LRMDA: variants seen among roughly 807,000 people sequenced by gnomAD.
LRMDA encodes the protein leucine rich melanocyte differentiation associated, also known as leucine-rich melanocyte differentiation-associated protein.
LRMDA carries 18 observed loss-of-function variants against 29.8 expected under a neutral mutation model. The ratio of observed to expected loss-of-function variants is 0.60; its 90% confidence interval spans 0.42 to 0.90. The LOEUF (loss-of-function observed/expected upper bound fraction) is 0.90, where lower values mean the gene tolerates loss of function less well. LRMDA is among the 40% of genes least tolerant of loss of function. The pLI is 0.00. For synonymous variants in LRMDA, 125 were observed against 109.4 expected (o/e 1.14, Z -0.89); for missense variants, 273 against 273.9 (o/e 1.00, Z 0.02).
intron 6 of LRMDA, among the ~76,000 whole-genome samples, chr10:76,476,353 GA>G (rs1386938230): frequency 1.3e-5 from 2 of 152,108 alleles, no homozygotes; most frequent in East Asian, 3.9e-4. Flanking sequence ...AAACCAGGAA[GA>G]AGCAAAATCA....
At chr10:76,365,999 TC>T (rs1841388052) in intron 6 of LRMDA, among the ~76,000 whole-genome samples, 2 of 152,184 alleles carry the variant, frequency 1.3e-5, no homozygotes, top group Admixed American at 6.5e-5. Flanking sequence ...GAAAAGGGTG[TC>T]CTTTCCCCAC....
intron 4 of LRMDA, among the ~76,000 whole-genome samples, chr10:76,058,329 CAAAG>C (rs1848648562): frequency 6.6e-6 from 1 of 152,184 alleles, no homozygotes; most frequent in South Asian, 2.1e-4. Flanking sequence ...TTCTGTGTAG[CAAAG>C]AAGCTGAGCC....
At chr10:76,338,252 CT>C (rs1840993639) in intron 6 of LRMDA, among the ~76,000 whole-genome samples, 1 of 151,898 alleles carries the variant, frequency 6.6e-6, no homozygotes, top group Non-Finnish European at 1.5e-5. Context: ...TCAGATATAC[CT>C]GACGTAGGAG....
At chr10:76,484,765 GTTTA>G (rs894797634) in intron 6 of LRMDA, among the ~76,000 whole-genome samples, 1 of 151,690 alleles carries the variant, frequency 6.6e-6, no homozygotes, top group Non-Finnish European at 1.5e-5. Context: ...GTTTATTTCT[GTTTA>G]TTTATTTCTC....
intron 2 of LRMDA, among the ~76,000 whole-genome samples, chr10:75,439,123 A>C (rs1381624044): frequency 6.6e-6 from 1 of 152,166 alleles, no homozygotes; most frequent in Non-Finnish European, 1.5e-5. Context: ...ATTCCAGTGG[A>C]GAATACAGGC....
chr10:76,425,278 T>A (rs537845065), intron 6 of LRMDA, among the ~76,000 whole-genome samples: 1 of 152,296 alleles, frequency 6.6e-6, no homozygotes, highest in South Asian at 2.1e-4. Context: ...TTTGAGCCAT[T>A]AGTATAAGGA....
At chr10:76,254,300 T>TATACTATACCATACC (rs66939986) in intron 5 of LRMDA, among the ~76,000 whole-genome samples, 36,806 of 89,232 alleles carry the variant, frequency 0.41, 8,986 homozygotes, top group South Asian at 0.57. Context: ...TATACTATAC[T>TATACTATACCATACC]ATACCATACC....
At chr10:75,951,521 A>G (rs1846573722) in intron 2 of LRMDA, among the ~76,000 whole-genome samples, 1 of 152,198 alleles carries the variant, frequency 6.6e-6, no homozygotes, top group African/African-American at 2.4e-5. Flanking sequence ...AGCAATGGAA[A>G]GCCCAGATGT....
At chr10:76,154,103 A>G (rs764923501) in intron 5 of LRMDA, among the ~76,000 whole-genome samples, 1 of 152,312 alleles carries the variant, frequency 6.6e-6, no homozygotes, top group South Asian at 2.1e-4. Flanking sequence ...GACCCTTTTT[A>G]CATTAAATTG....
intron 5 of LRMDA, among the ~76,000 whole-genome samples, chr10:76,171,953 T>G (rs959996558): frequency 2.6e-5 from 4 of 152,188 alleles, no homozygotes; most frequent in African/African-American, 4.8e-5. Context: ...ACTGGGCAGC[T>G]GCATCTAGTG....
At chr10:75,772,926 T>C (rs2132236436) in intron 2 of LRMDA, among the ~76,000 whole-genome samples, 1 of 151,958 alleles carries the variant, frequency 6.6e-6, no homozygotes, top group East Asian at 2.0e-4. Context: ...CCTGGGAAGC[T>C]TCTTGGAATT....
At chr10:76,436,721 G>T (rs1324630981) in intron 6 of LRMDA, among the ~76,000 whole-genome samples, 1 of 152,172 alleles carries the variant, frequency 6.6e-6, no homozygotes, top group South Asian at 2.1e-4. Flanking sequence ...AATCTGTCTT[G>T]GACGTCCATT....
chr10:76,439,665 G>C (rs1216047026), intron 6 of LRMDA, among the ~76,000 whole-genome samples: 2 of 152,194 alleles, frequency 1.3e-5, no homozygotes, highest in African/African-American at 4.8e-5. Context: ...AGTGCTCCTT[G>C]ATCCTCACTG....
rs12257479 is a variant in LRMDA, at chr10:75,668,068, G to A, written c.131+229574G>A. Among the ~76,000 whole-genome samples the A allele has an allele frequency of 2.5e-3, 385 of 152,284 alleles. 2 individuals are homozygous for A. The highest frequency in any genetic ancestry group is 0.01 in the Middle Eastern group (3 of 294). On this transcript the variant is annotated intron_variant, in intron 2 of 6. Coordinates refer to ENST00000611255, the MANE Select transcript of LRMDA (RefSeq NM_001305581.2). ...TGGGGCCTCTTCCATGGCCCTATAAGCAAGTGGTGCAAAGAGGGCCCTGAA... is the reference window on the plus strand; with the variant it reads ...TGGGGCCTCTTCCATGGCCCTATAAACAAGTGGTGCAAAGAGGGCCCTGAA...
chr10:76,276,055 C>CTA (rs1840129987), intron 5 of LRMDA, among the ~76,000 whole-genome samples: 1 of 128,842 alleles, frequency 7.8e-6, no homozygotes, highest in Non-Finnish European at 1.7e-5. Context: ...CTATCTATCT[C>CTA]TTTCTTTCTC....
At chr10:76,556,581 C>T (rs1843560621) in intron 6 of LRMDA, 1 of 152,338 alleles carries the variant, frequency 6.6e-6, no homozygotes, top group African/African-American at 2.4e-5. Context: ...TCTCGATCTC[C>T]TGACCTTGTG....
intron 2 of LRMDA, among the ~76,000 whole-genome samples, chr10:75,515,258 G>A (rs1845277133): frequency 6.6e-6 from 1 of 152,214 alleles, no homozygotes; most frequent in Non-Finnish European, 1.5e-5. Flanking sequence ...TAGTGGGTAT[G>A]AGTTTTTCTT....
chr10:75,904,711 G>A (rs1039564426), intron 2 of LRMDA, among the ~76,000 whole-genome samples: 5 of 152,090 alleles, frequency 3.3e-5, no homozygotes, highest in African/African-American at 4.8e-5. Context: ...CGCTCTTTGC[G>A]GCCTGAGACC....
chr10:75,607,999 T>C (rs1482539052), intron 2 of LRMDA, among the ~76,000 whole-genome samples: 1 of 150,626 alleles, frequency 6.6e-6, no homozygotes, highest in Non-Finnish European at 1.5e-5. Flanking sequence ...AGTGCAGATA[T>C]CTCTTTGAGA....
Sources: gnomAD v4.1 joint callset for allele counts (sites outside exome capture counted in the v4.1 genomes callset) on GRCh38, gnomAD v4.1.1 for gene constraint, MANE v1.5 for transcripts, NCBI Gene and HGNC (gene_info 2026-07-23, HGNC 2026-07-21) for gene names.